The following ACOT8 variants were observed in gnomAD, a reference collection of about 807,000 sequenced individuals.
The protein encoded by ACOT8 is acyl-coenzyme A thioesterase 8.
ACOT8 carries 31 observed loss-of-function variants against 38.4 expected under a neutral mutation model. The observed-to-expected ratio is 0.81, with a 90% confidence interval of 0.61 to 1.09. The LOEUF is 1.09. Among genes scored for constraint, ACOT8 ranks in the 50% least tolerant of loss-of-function variants. The pLI is 0.00. For synonymous variants in ACOT8, 158 were observed against 170.3 expected, an observed-to-expected ratio of 0.93 and a Z score of 0.56; for missense variants, 373 against 421.8, an observed-to-expected ratio of 0.88 and a Z score of 1.01.
chr20:45,855,820 C>CTG (rs1390394778), intron 1 of ACOT8, among the ~76,000 whole-genome samples: 1 of 152,140 alleles, frequency 6.6e-6, no homozygotes, highest in Non-Finnish European at 1.5e-5. Flanking sequence ...AAGTCTAACT[C>CTG]CTTCAGTGTA....
At position 45,855,185 on chromosome 20, in the gene ACOT8, G is replaced by C; in HGVS notation, c.236C>G (p.Ser79Cys). Residue 79 changes from serine to cysteine, a missense_variant, in exon 2 of 6, where the codon TCC becomes TGC. Physicochemically the swap from Ser to Cys is moderately radical, Grantham distance 112 (BLOSUM62 -1). Transcript: ENST00000217455. ...TGCCCGAACAAAGTAGCAGTGCAGG[G>C]AGTGCACGTGGACGTCTTCACTCAC... The part of the protein sequence containing the change: ...KSVSEDVHVH[S>C]LHCYFVRAGD... 1 of 1,614,166 alleles carries C rather than the reference G, an allele frequency of 6.2e-7. No homozygotes were observed.
chr20:45,841,722 C>T lies in ACOT8; in HGVS notation c.*116G>A. On this transcript the variant is annotated 3_prime_UTR_variant, in exon 6 of 6. Transcript: ENST00000217455. ...CCAGGGGAATTAAAAGCCAGCCACT[C>T]CAGTGGTATCAGTCTCTTTATTGGA... 7.0e-7 allele frequency: 1 copy of T among 1,428,300 alleles called. No individual in the cohort carries two copies. Among genetic ancestry groups the T allele is most frequent in the East Asian group, 2.6e-5 (1 of 39,104 alleles). The allele number at this position is 1,428,300 out of a possible 1,614,324, so 88.5% of individuals were successfully genotyped here.
intron 3 of ACOT8, among the ~76,000 whole-genome samples, chr20:45,847,274 G>A (rs148454007): frequency 2.8e-4 from 42 of 152,142 alleles, no homozygotes; most frequent in African/African-American, 8.4e-4. Flanking sequence ...AGGCCATAGC[G>A]CTGCAGCTCT....
Position 45,848,449 on chromosome 20 carries a change from C to T in ACOT8, c.488+1G>A, listed in dbSNP as rs201732456. On this transcript the variant is annotated splice_donor_variant, in intron 3 of 5. Transcript: ENST00000217455. LOFTEE classifies it high-confidence loss of function. ...TGCCATGGAGCCTCCAGGTCTCTCA[C>T]CTTAAATACTGGTCAATGAGGGTCT... The T allele has an allele frequency of 1.1e-4, 171 of 1,594,140 alleles. No homozygotes were observed. The highest frequency in any genetic ancestry group is 1.4e-4 in the Non-Finnish European group (166 of 1,167,934).
At chr20:45,851,240 GCTC>G (rs1985037854) in intron 2 of ACOT8, among the ~76,000 whole-genome samples, 1 of 152,160 alleles carries the variant, frequency 6.6e-6, no homozygotes. Context: ...CAGAGTGCGA[GCTC>G]CTCAAGGTTA....
intron 2 of ACOT8, among the ~76,000 whole-genome samples, chr20:45,849,428 G>A (rs1312839766): frequency 6.6e-6 from 1 of 151,480 alleles, no homozygotes; most frequent in East Asian, 1.9e-4. Context: ...GGGGACTACA[G>A]GGGTGCATGA....
chr20:45,843,183 T>C (rs1984379853), intron 5 of ACOT8: 2 of 491,440 alleles, frequency 4.1e-6, no homozygotes, highest in East Asian at 1.3e-4. Flanking sequence ...TGGATACCAC[T>C]GCTGTAATGT....
At chr20:45,848,385 A>T in intron 3 of ACOT8, 65 bp downstream of exon 3, 2 of 1,395,552 alleles carry the variant, frequency 1.4e-6, no homozygotes, top group Non-Finnish European at 1.9e-6. Context: ...AAAGGATTCT[A>T]TGACCCACAA....
intron 2 of ACOT8, among the ~76,000 whole-genome samples, chr20:45,849,416 G>T (rs182347007): frequency 1.3e-5 from 2 of 151,988 alleles, no homozygotes; most frequent in Admixed American, 1.3e-4. Flanking sequence ...TCCTGAGTGG[G>T]GGGGGACTAC....
chr20:45,842,900 T>A, intron 5 of ACOT8: 1 of 998,578 alleles, frequency 1.0e-6, no homozygotes, highest in Non-Finnish European at 1.2e-6. Flanking sequence ...TTTCTTCATT[T>A]GAAATGTACT....
chr20:45,842,895 T>C, intron 5 of ACOT8: 2 of 998,488 alleles, frequency 2.0e-6, no homozygotes, highest in South Asian at 4.4e-5. Context: ...AAGCTTTTCT[T>C]CATTTGAAAT....
chr20:45,849,253 GAACA>G (rs1306899959), intron 2 of ACOT8: 3 of 152,116 alleles, frequency 2.0e-5, no homozygotes, highest in South Asian at 2.1e-4. Flanking sequence ...TCTTTTTTGA[GAACA>G]AACAAAGGCT....
intron 2 of ACOT8, among the ~76,000 whole-genome samples, chr20:45,852,425 C>T (rs571174301): frequency 3.9e-5 from 6 of 151,980 alleles, no homozygotes; most frequent in Non-Finnish European, 5.9e-5. Context: ...CCGATCTGCC[C>T]GCCTCGGCCT....
At chr20:45,854,020 GT>G (rs34682341) in intron 2 of ACOT8, 78,912 of 1,249,516 alleles carry the variant, frequency 0.063, 5,133 homozygotes, top group African/African-American at 0.3. Flanking sequence ...AACAGTGAGG[GT>G]TTTTTTTGTT....
chr20:45,845,836 TG>T (rs371081515), intron 3 of ACOT8, among the ~76,000 whole-genome samples: 9,074 of 149,788 alleles, frequency 0.061, 949 homozygotes, highest in African/African-American at 0.21. Flanking sequence ...GGTTTTTTTT[TG>T]TTTTTTTTTT....
intron 3 of ACOT8, among the ~76,000 whole-genome samples, chr20:45,845,003 A>C (rs1240835285): frequency 6.6e-6 from 1 of 152,096 alleles, no homozygotes; most frequent in East Asian, 1.9e-4. Flanking sequence ...TGCAGTCTCC[A>C]ACTCCCAGGC....
chr20:45,843,982 T>C (rs904241067), intron 4 of ACOT8: 15 of 791,824 alleles, frequency 1.9e-5, no homozygotes, highest in African/African-American at 5.2e-5. Flanking sequence ...TCTTCCAATT[T>C]GCACAAAGAT....
chr20:45,843,197 C>A lies in ACOT8; in HGVS notation c.841+330G>T, dbSNP rs1057258442. The A allele has an allele frequency of 1.8e-5, 9 of 494,374 alleles. No homozygotes were observed. In the Admixed American group the frequency reaches 2.7e-4, roughly 15 times the overall value. The allele number at this position is 494,374 out of a possible 1,614,324, so 30.6% of individuals were successfully genotyped here. On this transcript the variant is annotated intron_variant, in intron 5 of 5. Coordinates refer to ENST00000217455, the MANE Select transcript of ACOT8 (RefSeq NM_005469.4). The stretch of plus-strand genomic sequence containing the variant: ...TTGGATACCACTGCTGTAATGTAAC[C>A]CTCTTTGTTTAGATGAGGAAACTGA...
intron 3 of ACOT8, among the ~76,000 whole-genome samples, chr20:45,845,566 G>C (rs1984623752): frequency 6.6e-6 from 1 of 152,164 alleles, no homozygotes; most frequent in Non-Finnish European, 1.5e-5. Flanking sequence ...CTACACAGTA[G>C]GGAACATTGC....
Sources: allele counts gnomAD v4.1 joint callset (sites outside exome capture counted in the v4.1 genomes callset), GRCh38; gene constraint gnomAD v4.1.1; transcripts MANE v1.5; gene names NCBI Gene and HGNC (gene_info 2026-07-23, HGNC 2026-07-21).